Variants in ROBO2 observed in about 807,000 individuals in gnomAD.
ROBO2 encodes the protein roundabout guidance receptor 2.
ROBO2 carries 53 observed loss-of-function variants against 160.8 expected under a neutral mutation model. The observed-to-expected ratio is 0.33, with a 90% CI of 0.26 to 0.41. The LOEUF (loss-of-function observed/expected upper bound fraction) is 0.41. Among genes scored for constraint, ROBO2 ranks in the 10% least tolerant of loss-of-function variants. The pLI, the probability that ROBO2 is intolerant of heterozygous loss-of-function variation, is 1.00. For missense variants in ROBO2, 1,577 were observed against 1,722.4 expected (o/e 0.92, Z 1.49); for synonymous variants, 664 against 611.7 (o/e 1.09, Z -1.26).
intron 2 of ROBO2, among the ~76,000 whole-genome samples, chr3:76,782,842 A>G (rs2062736032): frequency 6.6e-6 from 1 of 150,680 alleles, no homozygotes; most frequent in South Asian, 2.1e-4. Flanking sequence ...TGATTGAAAA[A>G]TTTCATCCAT....
At chr3:77,341,590 G>T (rs1310941528) in intron 2 of ROBO2, among the ~76,000 whole-genome samples, 1 of 152,048 alleles carries the variant, frequency 6.6e-6, no homozygotes, top group Non-Finnish European at 1.5e-5. Context: ...ATAATGAAAA[G>T]AAATATCCTC....
intron 2 of ROBO2, among the ~76,000 whole-genome samples, chr3:76,553,259 G>C (rs116112803): frequency 1.1e-4 from 17 of 152,270 alleles, no homozygotes; most frequent in Middle Eastern, 3.4e-3. Flanking sequence ...TTTAAGGATG[G>C]GCAGAGGAAG....
At chr3:76,062,667 G>A (rs1407233566) in intron 2 of ROBO2, among the ~76,000 whole-genome samples, 1 of 152,186 alleles carries the variant, frequency 6.6e-6, no homozygotes, top group Non-Finnish European at 1.5e-5. Context: ...TTCATAAGGT[G>A]AAATTTTCCC....
chr3:76,254,719 C>A (rs1356053376), intron 2 of ROBO2, among the ~76,000 whole-genome samples: 4 of 143,762 alleles, frequency 2.8e-5, no homozygotes, highest in Non-Finnish European at 4.7e-5. Flanking sequence ...ATTTTATAGA[C>A]CTAAATACTC....
intron 2 of ROBO2, among the ~76,000 whole-genome samples, chr3:76,184,456 A>T (rs771730490): frequency 6.6e-6 from 1 of 152,142 alleles, no homozygotes; most frequent in Non-Finnish European, 1.5e-5. Flanking sequence ...AATTGACTTC[A>T]AGTCTTGATC....
At chr3:76,794,017 G>A (rs867628333) in intron 2 of ROBO2, among the ~76,000 whole-genome samples, 6 of 151,834 alleles carry the variant, frequency 4.0e-5, no homozygotes, top group Admixed American at 2.0e-4. Flanking sequence ...CTCTCTTGGG[G>A]TTCCACCTTT....
chr3:76,190,395 A>C (rs1327114016), intron 2 of ROBO2, among the ~76,000 whole-genome samples: 3 of 152,124 alleles, frequency 2.0e-5, no homozygotes, highest in Non-Finnish European at 4.4e-5. Flanking sequence ...TAGCAATAAA[A>C]ACGAAGTATG....
chr3:76,078,626 A>G (rs1295509605), intron 2 of ROBO2, among the ~76,000 whole-genome samples: 1 of 152,152 alleles, frequency 6.6e-6, no homozygotes, highest in Non-Finnish European at 1.5e-5. Flanking sequence ...TGGCCTGCTA[A>G]AGTGCTGGGA....
At chr3:75,915,837 A>G (rs1946789254) in intron 1 of ROBO2, among the ~76,000 whole-genome samples, 1 of 152,204 alleles carries the variant, frequency 6.6e-6, no homozygotes, top group Non-Finnish European at 1.5e-5. Context: ...GCTGTGTAGC[A>G]TATTTCTTGT....
At chr3:76,441,183 G>A (rs2076909979) in intron 2 of ROBO2, among the ~76,000 whole-genome samples, 1 of 152,084 alleles carries the variant, frequency 6.6e-6, no homozygotes, top group South Asian at 2.1e-4. Context: ...GCTGGTGCTT[G>A]GCTGTTTTAT....
At chr3:77,388,019 A>G (rs376873174) in intron 2 of ROBO2, among the ~76,000 whole-genome samples, 6 of 152,118 alleles carry the variant, frequency 3.9e-5, no homozygotes, top group African/African-American at 1.4e-4. Context: ...AAAAGAAAAA[A>G]AAATGAGTTT....
At chr3:77,506,243 G>A (rs1350594100) in intron 5 of ROBO2, among the ~76,000 whole-genome samples, 2 of 152,120 alleles carry the variant, frequency 1.3e-5, no homozygotes, top group Non-Finnish European at 2.9e-5. Context: ...AACTCATACA[G>A]AGTCCAAAGT....
At chr3:76,537,634 C>T (rs559419166) in intron 2 of ROBO2, among the ~76,000 whole-genome samples, 1 of 152,076 alleles carries the variant, frequency 6.6e-6, no homozygotes, top group Non-Finnish European at 1.5e-5. Flanking sequence ...GACAGGGAAC[C>T]AGTCTCCCGA....
intron 2 of ROBO2, among the ~76,000 whole-genome samples, chr3:76,752,433 AAAAC>A (rs1395613524): frequency 6.7e-6 from 1 of 149,786 alleles, no homozygotes; most frequent in Non-Finnish European, 1.5e-5. Flanking sequence ...CATAAAGTAT[AAAAC>A]AAAAAAAAAA....
rs146478103 is a variant in ROBO2 at position 77,598,569 on chromosome 3, T to C, written c.2854+1819T>C. 3.3e-3 allele frequency among the ~76,000 whole-genome samples: 479 copies of C among 143,506 alleles called. 13 individuals are homozygous for C. Among genetic ancestry groups the C allele is most frequent in the Admixed American group, 0.023 (330 of 14,140 alleles). The allele number at this position is 143,506 out of a possible 152,430, so 94.1% of individuals were successfully genotyped here. On this transcript the variant is annotated intron_variant, in intron 19 of 25. Coordinates refer to ENST00000461745, the Ensembl canonical transcript of ROBO2. ...CCAAAGCTTGGCATACCATCAATCA[T>C]CAGGCATCAGTGCAGTGAGTGAGAG...
At chr3:77,080,625 A>T (rs2068550666) in intron 1 of ROBO2, among the ~76,000 whole-genome samples, 1 of 152,098 alleles carries the variant, frequency 6.6e-6, no homozygotes, top group Admixed American at 6.6e-5. Flanking sequence ...GGAGAAAAAA[A>T]TCTCACCCCT....
At chr3:76,635,730 C>T (rs1441352583) in intron 2 of ROBO2, among the ~76,000 whole-genome samples, 1 of 152,218 alleles carries the variant, frequency 6.6e-6, no homozygotes, top group African/African-American at 2.4e-5. Context: ...GACACTTCCT[C>T]ACGAGCTCAA....
intron 1 of ROBO2, among the ~76,000 whole-genome samples, chr3:77,059,735 A>G (rs979614168): frequency 6.6e-6 from 1 of 152,158 alleles, no homozygotes; most frequent in African/African-American, 2.4e-5. Context: ...AAGTTTGGGC[A>G]TAAGCATCAC....
chr3:77,057,668 T>C (rs1192140516), intron 1 of ROBO2, among the ~76,000 whole-genome samples: 15 of 149,588 alleles, frequency 1.0e-4, no homozygotes, highest in Admixed American at 2.0e-4. Context: ...CCTCCTTGGT[T>C]CAAGTGATTC....
Sources: gnomAD v4.1 joint callset for allele counts (sites outside exome capture counted in the v4.1 genomes callset) on GRCh38, gnomAD v4.1.1 for gene constraint, MANE v1.5 for transcripts, NCBI Gene and HGNC (gene_info 2026-07-23, HGNC 2026-07-21) for gene names.